The following ITGB8 variants were observed in gnomAD, a reference collection of about 807,000 sequenced individuals.
ITGB8 encodes integrin subunit beta 8.
A neutral mutation model predicts 89.5 loss-of-function variants in ITGB8; 30 were observed. That is an observed-to-expected ratio of 0.34 (90% confidence interval 0.25 to 0.45). The LOEUF (loss-of-function observed/expected upper bound fraction) is 0.45. Among genes scored for constraint, ITGB8 ranks in the 20% least tolerant of loss-of-function variants. ITGB8 has a pLI of 1.00. For synonymous variants in ITGB8, 335 were observed against 320.4 expected (o/e 1.05, Z -0.49); for missense variants, 836 against 933.3 (o/e 0.90, Z 1.36).
intron 2 of ITGB8, chr7:20,364,895 T>C (rs1785634913): frequency 6.6e-6 from 1 of 152,214 alleles, no homozygotes; most frequent in South Asian, 2.1e-4. Context: ...AGTACTTCAT[T>C]TTAGATTTTT....
At chr7:20,389,085 A>G (rs750491236) in intron 6 of ITGB8, among the ~76,000 whole-genome samples, 44 of 151,852 alleles carry the variant, frequency 2.9e-4, no homozygotes, top group Non-Finnish European at 5.2e-4. Context: ...TGTGAACAGT[A>G]TTGAAATGCA....
chr7:20,334,847 ACTT>A (rs1158247209), intron 1 of ITGB8, among the ~76,000 whole-genome samples: 2 of 152,192 alleles, frequency 1.3e-5, no homozygotes, highest in Non-Finnish European at 2.9e-5. Flanking sequence ...CCCCAAAATA[ACTT>A]CTTCTCTTGT....
At chr7:20,377,310 C>CA (rs1786192346) in intron 3 of ITGB8, 2 of 152,112 alleles carry the variant, frequency 1.3e-5, no homozygotes. Flanking sequence ...GGCCGGTTTA[C>CA]AAAAACAATC....
chr7:20,339,797 G>A (rs927915712), intron 1 of ITGB8, among the ~76,000 whole-genome samples: 2 of 152,138 alleles, frequency 1.3e-5, no homozygotes, highest in Admixed American at 6.5e-5. Flanking sequence ...GGAGGCCAAG[G>A]TGGGTGGATC....
intron 6 of ITGB8, among the ~76,000 whole-genome samples, chr7:20,384,637 C>A (rs1482358466): frequency 2.0e-5 from 3 of 152,162 alleles, no homozygotes; most frequent in Non-Finnish European, 4.4e-5. Context: ...GCAGAGTTGG[C>A]CCTAGTCTGT....
intron 4 of ITGB8, chr7:20,379,917 A>C (rs1786308067): frequency 6.6e-6 from 1 of 152,230 alleles, no homozygotes; most frequent in South Asian, 2.1e-4. Flanking sequence ...TAAAAATACA[A>C]GTGTCTCACA....
chr7:20,383,784 T>C (rs1583517430), intron 6 of ITGB8, among the ~76,000 whole-genome samples: 1 of 152,320 alleles, frequency 6.6e-6, no homozygotes, highest in East Asian at 1.9e-4. Context: ...CATCAGGAAA[T>C]TGGATGATTA....
chr7:20,398,940 T>G lies in ITGB8; in HGVS notation c.1227T>G (p.Asp409Glu), dbSNP rs755626676. 5.6e-6 allele frequency: 9 copies of G among 1,613,530 alleles called. No individual in the cohort carries two copies. The highest frequency in any genetic ancestry group is 1.6e-4 in the Middle Eastern group (1 of 6,082). ...TTAACATTACCGCCATCTGTCCAGA[T>G]GGGTCCAGAAAGCCAGGCATGGAAG... ...IYFNITAICPDGSRKPGMEGC... is the reference protein window; with the variant it reads ...IYFNITAICPEGSRKPGMEGC... Residue 409 changes from aspartate to glutamate, a missense_variant, in exon 9 of 14, where the codon GAT becomes GAG. Asp to Glu is a conservative substitution (Grantham distance 45). Around this residue, in one of 5 missense-constraint regions of ITGB8, gnomAD observed 192 missense variants for 267.1 expected, o/e 0.72. Coordinates refer to ENST00000222573, the MANE Select transcript of ITGB8 (RefSeq NM_002214.3).
intron 1 of ITGB8, among the ~76,000 whole-genome samples, chr7:20,332,590 T>C (rs1311598787): frequency 6.6e-6 from 1 of 152,222 alleles, no homozygotes; most frequent in Non-Finnish European, 1.5e-5. Context: ...CAGCTTTCTG[T>C]CCAGGCAAAC....
Position 20,331,640 on chromosome 7 carries a change from G to A in ITGB8, c.-167G>A, listed in dbSNP as rs1052802893. 6 of 719,926 alleles carry A rather than the reference G, an allele frequency of 8.3e-6. No homozygotes were observed. The highest frequency in any genetic ancestry group is 4.1e-5 in the Admixed American group (1 of 24,106). 44.6% of individuals were successfully genotyped at this position (719,926 alleles called of 1,614,324 possible). Reference sequence around the variant, plus strand: ...CCCTGAGATGCCGAGCGGTGCCCGGGCCCGCTTACCTGCACCGCTTGCTCC... The same window carrying A: ...CCCTGAGATGCCGAGCGGTGCCCGGACCCGCTTACCTGCACCGCTTGCTCC... On this transcript the variant is annotated 5_prime_UTR_variant, in exon 1 of 14. Transcript: ENST00000222573.
Position 20,331,813 on chromosome 7 carries a change from G to C in ITGB8, c.7G>C (p.Gly3Arg), listed in dbSNP as rs760731578. Residue 3 changes from glycine to arginine, a missense_variant, in exon 1 of 14, where the codon GGC (glycine) becomes CGC (arginine). By Grantham distance (125) the Gly-to-Arg change is moderately radical. Coordinates refer to ENST00000222573, the MANE Select transcript of ITGB8 (RefSeq NM_002214.3). ...GGGCGGGCTGTTTTGCATTATGTGC[G>C]GCTCGGCCCTGGCTTTTTTTACCGC... MC[G>R]SALAFFTAAF... 1.9e-6 allele frequency: 3 copies of C among 1,612,684 alleles called. No individual in the cohort carries two copies. Among genetic ancestry groups the C allele is most frequent in the African/African-American group, 2.7e-5 (2 of 74,900 alleles).
intron 4 of ITGB8, chr7:20,379,990 A>G (rs534887678): frequency 8.5e-5 from 13 of 152,296 alleles, no homozygotes; most frequent in Admixed American, 2.0e-4. Context: ...TTTTTTCACA[A>G]AAGACTTTAT....
chr7:20,363,713 T>C lies in ITGB8; in HGVS notation c.204T>C (p.Cys68=), dbSNP rs774802390. 2.5e-6 allele frequency: 4 copies of C among 1,587,924 alleles called. No individual in the cohort carries two copies. In the South Asian group the frequency reaches 4.6e-5, roughly 18 times the overall value. Residue 68 remains cysteine (C), a synonymous_variant, in exon 2 of 14, where the codon TGT becomes TGC. Transcript: ENST00000222573. ...CGCTGGGTCCAGAATGTGGATGGTG[T>C]GTTCAAGAGGTGTGCCATTTTTTTT... ...CLALGPECGW[C]VQEDFISGGS... is the part of the protein sequence containing the mutation.
At position 20,379,280 on chromosome 7, in the gene ITGB8, G is replaced by A; in HGVS notation, c.618G>A (p.Arg206=). The A allele has an allele frequency of 3.1e-6, 5 of 1,598,946 alleles. No individual in the cohort carries two copies. Among genetic ancestry groups the A allele is most frequent in the Non-Finnish European group, 4.3e-6 (5 of 1,172,164 alleles). ...CATACATTAGCATCCACCCCGAAAG[G>A]ATTCATAATCAATGCAGGTATCTAG... ...VSPYISIHPE[R]IHNQCSDYNL... The change falls in exon 4 of 14, where the codon AGG becomes AGA. Residue 206 remains arginine (R), a synonymous_variant. Transcript: ENST00000222573.
intron 3 of ITGB8, among the ~76,000 whole-genome samples, chr7:20,375,550 T>C (rs1786106510): frequency 6.6e-6 from 1 of 152,206 alleles, no homozygotes; most frequent in Admixed American, 6.5e-5. Context: ...ATCACCAGAA[T>C]TTTGTTTTCT....
intron 1 of ITGB8, among the ~76,000 whole-genome samples, chr7:20,357,329 C>T (rs1449735101): frequency 1.3e-5 from 2 of 152,012 alleles, no homozygotes; most frequent in Admixed American, 6.6e-5. Flanking sequence ...ACTTAATAGC[C>T]ATTTTTATAT....
chr7:20,401,549 C>T (rs937961289), intron 9 of ITGB8, among the ~76,000 whole-genome samples, 172 bp from the exon 10 acceptor site: 2 of 152,136 alleles, frequency 1.3e-5, no homozygotes, highest in African/African-American at 4.8e-5. Flanking sequence ...AAATAAATGA[C>T]TTTAAAAAGA....
At position 20,415,035 on chromosome 7, in the gene ITGB8, T is replaced by C. The variant is rs963362625; in HGVS notation, c.*5038T>C. On this transcript the variant is annotated 3_prime_UTR_variant, in exon 14 of 14. Transcript: ENST00000222573. Reference sequence around the variant, plus strand: ...TCAAGGATGGAAAATGTGTGATTTGTGTAAACAATTTTTACCAACTTTACA... The same window carrying C: ...TCAAGGATGGAAAATGTGTGATTTGCGTAAACAATTTTTACCAACTTTACA... The C allele has an allele frequency of 6.5e-6, 1 of 152,674 alleles. No individual in the cohort carries two copies. The highest frequency in any genetic ancestry group is 2.1e-4 in the South Asian group (1 of 4,832). The allele number at this position is 152,674 out of a possible 1,614,324, so 9.5% of individuals were successfully genotyped here.
chr7:20,346,601 A>G (rs1260247201), intron 1 of ITGB8: 1 of 523,602 alleles, frequency 1.9e-6, no homozygotes, highest in Non-Finnish European at 2.5e-6. Context: ...TTAGGGAAGG[A>G]AGAGACAAGG....
Sources: allele counts gnomAD v4.1 joint callset (sites outside exome capture counted in the v4.1 genomes callset), GRCh38; gene constraint gnomAD v4.1.1; regional missense constraint gnomAD v4.1.1; transcripts MANE v1.5; gene names NCBI Gene and HGNC (gene_info 2026-07-23, HGNC 2026-07-21).